CCL4L2: variants seen among roughly 807,000 people sequenced by gnomAD.
CCL4L2 encodes C-C motif chemokine ligand 4 like 2.
A neutral mutation model predicts 5.9 loss-of-function variants in CCL4L2; 3 were observed. The ratio of observed to expected loss-of-function variants is 0.51; its 90% confidence interval spans 0.23 to 1.32. The LOEUF (loss-of-function observed/expected upper bound fraction) is 1.32. CCL4L2 is among the 40% of genes most tolerant of loss of function. The pLI, the probability that CCL4L2 is intolerant of heterozygous loss-of-function variation, is 0.18. For missense variants in CCL4L2, 74 were observed against 121.2 expected (o/e 0.61, Z 1.83); for synonymous variants, 36 against 47.6 (o/e 0.76, Z 1.00).
In CCL4L2 at chr17:36,212,859, A is replaced by C. The variant is rs1464924699; in HGVS notation, c.*436A>C. 1.0e-5 allele frequency: 5 copies of C among 491,644 alleles called. No homozygotes were observed. Among genetic ancestry groups the C allele is most frequent in the Non-Finnish European group, 1.9e-5 (5 of 263,916 alleles). The allele number at this position is 491,644 out of a possible 1,614,324, so 30.5% of individuals were successfully genotyped here. ...CCATGTGTTTTCATAATAAAACTTT[A>C]AAATAAAATGCAAACAGTTTCTTTG... is the stretch of plus-strand genomic sequence containing the variant. On this transcript the variant is annotated 3_prime_UTR_variant, in exon 3 of 3. Coordinates refer to ENST00000617405, the MANE Select transcript of CCL4L2 (RefSeq NM_001291475.2).
chr17:36,212,227 G>A lies in CCL4L2; in HGVS notation c.192-76G>A, dbSNP rs2068796780. ...CACTACCAGGCTGGCAGGGAATGGGGCAATCTATTCATACTGATTGCAATG... is the reference window on the plus strand; with the variant it reads ...CACTACCAGGCTGGCAGGGAATGGGACAATCTATTCATACTGATTGCAATG... On this transcript the variant is annotated intron_variant, in intron 2 of 2. Transcript: ENST00000617405. 5 of 716,200 alleles carry A rather than the reference G, an allele frequency of 7.0e-6. No individual in the cohort carries two copies. In the Admixed American group the frequency reaches 8.1e-5, roughly 12 times the overall value. 44.4% of individuals were successfully genotyped at this position (716,200 alleles called of 1,614,324 possible).
Position 36,212,755 on chromosome 17 carries a change from A to G in CCL4L2, c.*332A>G. On this transcript the variant is annotated 3_prime_UTR_variant, in exon 3 of 3. Coordinates refer to ENST00000617405, the MANE Select transcript of CCL4L2 (RefSeq NM_001291475.2). The stretch of plus-strand genomic sequence containing the variant: ...CCATTATTTATATTAGTTTAGCCAA[A>G]GGATAAGTGTCCCCTATGGGGATGG... The G allele has an allele frequency of 1.2e-6, 1 of 804,968 alleles. No individual in the cohort carries two copies. Among genetic ancestry groups the G allele is most frequent in the Non-Finnish European group, 2.0e-6 (1 of 492,890 alleles). 49.9% of individuals were successfully genotyped at this position (804,968 alleles called of 1,614,324 possible). A position where few individuals can be genotyped will look rare whatever the true frequency, so the allele number is the denominator to read the frequency against.
At chr17:36,211,338 A>G (rs1203537100) in intron 1 of CCL4L2, 121 bp downstream of exon 1, 2 of 1,228,696 alleles carry the variant, frequency 1.6e-6, no homozygotes, top group African/African-American at 1.4e-5. Flanking sequence ...GAAGATTGCC[A>G]TGTAGTCTGC....
intron 2 of CCL4L2, chr17:36,212,221 A>G: frequency 1.4e-6 from 1 of 713,744 alleles, no homozygotes. Flanking sequence ...GCTGGCAGGG[A>G]ATGGGGCAAT....
In CCL4L2 at chr17:36,212,441, G is replaced by A. The variant is rs1165327238; in HGVS notation, c.*18G>A. 8 of 1,577,482 alleles carry A rather than the reference G, an allele frequency of 5.1e-6. 1 individual carries two copies. Among genetic ancestry groups the A allele is most frequent in the South Asian group, 1.1e-5 (1 of 89,038 alleles). ...AGGGATAAAGCCAGATGACCTCAAA[G>A]GTCCCATGGGATTCTAATCTGTCTG... On this transcript the variant is annotated 3_prime_UTR_variant, in exon 3 of 3. Transcript: ENST00000617405.
Position 36,212,727 on chromosome 17 carries a change from T to C in CCL4L2, c.*304T>C, listed in dbSNP as rs1158606392. 3.2e-6 allele frequency: 3 copies of C among 950,642 alleles called. No individual in the cohort carries two copies. Among genetic ancestry groups the C allele is most frequent in the Non-Finnish European group, 4.9e-6 (3 of 611,522 alleles). 58.9% of individuals were successfully genotyped at this position (950,642 alleles called of 1,614,324 possible). ...TGCTGTATTATTGTATTAGGTGTTATTTCCATTATTTATATTAGTTTAGCC... is the reference window on the plus strand; with the variant it reads ...TGCTGTATTATTGTATTAGGTGTTACTTCCATTATTTATATTAGTTTAGCC... On this transcript the variant is annotated 3_prime_UTR_variant, in exon 3 of 3. Coordinates refer to ENST00000617405, the MANE Select transcript of CCL4L2 (RefSeq NM_001291475.2).
chr17:36,212,022 T>A, intron 2 of CCL4L2, 132 bp downstream of exon 2: 2 of 1,105,712 alleles, frequency 1.8e-6, no homozygotes, highest in Non-Finnish European at 2.7e-6. Context: ...CTGACAGCAG[T>A]GAGGTCACAG....
chr17:36,211,293 C>T, intron 1 of CCL4L2, 76 bp downstream of exon 1: 3 of 1,504,968 alleles, frequency 2.0e-6, no homozygotes, highest in African/African-American at 1.3e-5. Context: ...GGCTGGCAAA[C>T]AGTGGGATCT....
In CCL4L2 at chr17:36,211,102, G is replaced by C; in HGVS notation, c.-40G>C. 6.4e-7 allele frequency: 1 copy of C among 1,571,684 alleles called. No homozygotes were observed. Among genetic ancestry groups the C allele is most frequent in the Non-Finnish European group, 8.7e-7 (1 of 1,148,174 alleles). On this transcript the variant is annotated 5_prime_UTR_variant, in exon 1 of 3. Transcript: ENST00000617405. ...CTAGGTTCTGAAGCTTCTGAGTTCT[G>C]CAGCCTCACCTCTGAGAAAACCTCT...
rs2068765957 is a variant in CCL4L2 at position 36,211,118 on chromosome 17, G to A, written c.-24G>A. 1.2e-5 allele frequency: 19 copies of A among 1,579,082 alleles called. No homozygotes were observed. The highest frequency in any genetic ancestry group is 1.6e-5 in the Non-Finnish European group (19 of 1,154,722). ...CTGAGTTCTGCAGCCTCACCTCTGA[G>A]AAAACCTCTTTGCCACCAATACCAT... On this transcript the variant is annotated 5_prime_UTR_variant, in exon 1 of 3. Coordinates refer to ENST00000617405, the MANE Select transcript of CCL4L2 (RefSeq NM_001291475.2).
rs2068782302 is a variant in CCL4L2, at chr17:36,211,789, T to A, written c.90T>A (p.Pro30=). The A allele has an allele frequency of 3.8e-6, 6 of 1,577,838 alleles. 1 individual carries two copies. The highest frequency in any genetic ancestry group is 5.2e-6 in the Non-Finnish European group (6 of 1,154,796). Reference sequence around the variant, plus strand: ...CTTTCCTTTCAGTGGGCTCAGACCCTCCCACCGCCTGCTGCTTTTCTTACA... The same window carrying A: ...CTTTCCTTTCAGTGGGCTCAGACCCACCCACCGCCTGCTGCTTTTCTTACA... The change falls in exon 2 of 3, where the codon CCT becomes CCA. Residue 30 remains proline, a synonymous_variant. Coordinates refer to ENST00000617405, the MANE Select transcript of CCL4L2 (RefSeq NM_001291475.2).
rs1230826748 is a variant in CCL4L2, at chr17:36,212,518, C to A, written c.*95C>A. On this transcript the variant is annotated 3_prime_UTR_variant, in exon 3 of 3. Transcript: ENST00000617405. Reference sequence around the variant, plus strand: ...AAAGAGGCAAGCAAGTCTGCGCTGACCCCAGTGAGTCCTGGGTCCAGGAGT... The same window carrying A: ...AAAGAGGCAAGCAAGTCTGCGCTGAACCCAGTGAGTCCTGGGTCCAGGAGT... The A allele has an allele frequency of 6.3e-7, 1 of 1,581,412 alleles. No individual in the cohort carries two copies. Among genetic ancestry groups the A allele is most frequent in the Non-Finnish European group, 8.6e-7 (1 of 1,156,522 alleles).
Position 36,212,638 on chromosome 17 carries a change from T to A in CCL4L2, c.*215T>A. On this transcript the variant is annotated 3_prime_UTR_variant, in exon 3 of 3. Transcript: ENST00000617405. ...TGGATGCTTCTCCATGAGCCGCATC[T>A]CCTCCATACTCAGGACTCCTCTCCG... The A allele has an allele frequency of 3.3e-6, 5 of 1,502,452 alleles. No homozygotes were observed. The South Asian group carries it at 5.7e-5, about 17-fold the overall frequency. The allele number at this position is 1,502,452 out of a possible 1,614,324, so 93.1% of individuals were successfully genotyped here.
In CCL4L2 at chr17:36,211,064, G is replaced by A. The variant is rs1292924174; in HGVS notation, c.-78G>A. ...AAGAGAGATTCCCAACTCAGTATCA[G>A]CACAGGACACAGCTAGGTTCTGAAG... On this transcript the variant is annotated 5_prime_UTR_variant, in exon 1 of 3. Coordinates refer to ENST00000617405, the MANE Select transcript of CCL4L2 (RefSeq NM_001291475.2). 1.5e-4 allele frequency: 228 copies of A among 1,506,924 alleles called. 3 individuals are homozygous for A. Among genetic ancestry groups the A allele is most frequent in the Non-Finnish European group, 1.9e-4 (210 of 1,088,242 alleles). 93.3% of individuals were successfully genotyped at this position (1,506,924 alleles called of 1,614,324 possible).
rs1326895720 is a variant in CCL4L2, at chr17:36,212,537, C to T, written c.*114C>T. On this transcript the variant is annotated 3_prime_UTR_variant, in exon 3 of 3. Coordinates refer to ENST00000617405, the MANE Select transcript of CCL4L2 (RefSeq NM_001291475.2). ...CGCTGACCCCAGTGAGTCCTGGGTC[C>T]AGGAGTACGTGTATGACCTGGAACT... The T allele has an allele frequency of 6.3e-7, 1 of 1,581,406 alleles. No individual in the cohort carries two copies. The highest frequency in any genetic ancestry group is 1.7e-5 in the Admixed American group (1 of 59,106).
At position 36,212,763 on chromosome 17, in the gene CCL4L2, T is replaced by C. The variant is rs1463969377; in HGVS notation, c.*340T>C. 5.3e-6 allele frequency: 4 copies of C among 758,566 alleles called. No homozygotes were observed. Among genetic ancestry groups the C allele is most frequent in the South Asian group, 1.8e-5 (1 of 56,238 alleles). 47.0% of individuals were successfully genotyped at this position (758,566 alleles called of 1,614,324 possible). A position where few individuals can be genotyped will look rare whatever the true frequency, so the allele number is the denominator to read the frequency against. ...TATATTAGTTTAGCCAAAGGATAAG[T>C]GTCCCCTATGGGGATGGTCCACTCT... On this transcript the variant is annotated 3_prime_UTR_variant, in exon 3 of 3. Coordinates refer to ENST00000617405, the MANE Select transcript of CCL4L2 (RefSeq NM_001291475.2).
chr17:36,212,413 G>C lies in CCL4L2; in HGVS notation c.302G>C (p.Gly101Ala), dbSNP rs199629497. The C allele has an allele frequency of 0.017, 26,251 of 1,543,024 alleles. 2,871 individuals carry two copies. The highest frequency in any genetic ancestry group is 0.13 in the East Asian group (5,412 of 41,340). Reference sequence around the variant, plus strand: ...AGGCAGAGGAAGATGCCTACCACAGGCAAGGGATAAAGCCAGATGACCTCA... The same window carrying C: ...AGGCAGAGGAAGATGCCTACCACAGCCAAGGGATAAAGCCAGATGACCTCA... Residue 101 changes from glycine (G) to alanine (A), a missense_variant, in exon 3 of 3, where the codon GGC becomes GCC. By Grantham distance (60) the Gly-to-Ala change is moderately conservative. Transcript: ENST00000617405.
At position 36,211,795 on chromosome 17, in the gene CCL4L2, C is replaced by T. The variant is rs2068782782; in HGVS notation, c.96C>T (p.Thr32=). The T allele has an allele frequency of 1.3e-5, 21 of 1,578,394 alleles. 1 individual carries two copies. The highest frequency in any genetic ancestry group is 4.5e-5 in the South Asian group (4 of 88,998). The change falls in exon 2 of 3, where the codon ACC becomes ACT. Residue 32 remains threonine, a synonymous_variant. Coordinates refer to ENST00000617405, the MANE Select transcript of CCL4L2 (RefSeq NM_001291475.2). ...TTTCAGTGGGCTCAGACCCTCCCAC[C>T]GCCTGCTGCTTTTCTTACACCGCGA...
In CCL4L2 at chr17:36,212,758, A is replaced by G. The variant is rs1432921919; in HGVS notation, c.*335A>G. ...TTATTTATATTAGTTTAGCCAAAGG[A>G]TAAGTGTCCCCTATGGGGATGGTCC... On this transcript the variant is annotated 3_prime_UTR_variant, in exon 3 of 3. Transcript: ENST00000617405. 3.3e-5 allele frequency: 26 copies of G among 793,068 alleles called. 2 individuals are homozygous for G. In the East Asian group the frequency reaches 6.5e-4, roughly 20 times the overall value. The allele number at this position is 793,068 out of a possible 1,614,324, so 49.1% of individuals were successfully genotyped here. A position where few individuals can be genotyped will look rare whatever the true frequency, so the allele number is the denominator to read the frequency against.
Sources: gnomAD v4.1 joint callset for allele counts on GRCh38, gnomAD v4.1.1 for gene constraint, MANE v1.5 for transcripts, NCBI Gene and HGNC (gene_info 2026-07-23, HGNC 2026-07-21) for gene names.